Variants in ADGRL3 observed in about 807,000 individuals in gnomAD.
ADGRL3 encodes adhesion G protein-coupled receptor L3, also known as calcium-independent alpha-latrotoxin receptor 3.
A neutral mutation model predicts 153.5 loss-of-function variants in ADGRL3; 62 were observed. The ratio of observed to expected loss-of-function variants is 0.40; its 90% confidence interval spans 0.33 to 0.50. ADGRL3 has a LOEUF of 0.50. ADGRL3 is among the 20% of genes least tolerant of loss of function. ADGRL3 has a pLI of 0.47. For synonymous variants in ADGRL3, 710 were observed against 672.5 expected (o/e 1.06, Z -0.86); for missense variants, 1,641 against 1,859.4 (o/e 0.88, Z 2.16).
chr4:62,031,364 G>T, intron 22 of ADGRL3, 78 bp from the exon 23 acceptor site: 1 of 1,191,138 alleles, frequency 8.4e-7, no homozygotes, highest in Non-Finnish European at 1.2e-6. Context: ...TTTTTTCAGT[G>T]TCGTATTGTT....
At chr4:61,588,699 A>T (rs940813373) in intron 5 of ADGRL3, among the ~76,000 whole-genome samples, 1 of 151,982 alleles carries the variant, frequency 6.6e-6, no homozygotes, top group African/African-American at 2.4e-5. Flanking sequence ...TGTCTCTATT[A>T]TCGTTACGTA....
intron 2 of ADGRL3, among the ~76,000 whole-genome samples, chr4:61,407,286 T>A (rs2097014319): frequency 6.7e-6 from 1 of 150,042 alleles, no homozygotes; most frequent in Non-Finnish European, 1.5e-5. Context: ...GTTTAAAAAA[T>A]AACTTGCTTT....
intron 4 of ADGRL3, among the ~76,000 whole-genome samples, chr4:61,519,977 T>A (rs947166515): frequency 1.3e-5 from 2 of 152,160 alleles, no homozygotes; most frequent in Admixed American, 6.5e-5. Flanking sequence ...CAAGTAGGAA[T>A]CCAATGAAAG....
intron 9 of ADGRL3, among the ~76,000 whole-genome samples, chr4:61,871,876 C>G (rs2098447657): frequency 6.6e-6 from 1 of 152,172 alleles, no homozygotes; most frequent in African/African-American, 2.4e-5. Flanking sequence ...CCCTGTTTAT[C>G]TGTGTGGCTC....
intron 8 of ADGRL3, among the ~76,000 whole-genome samples, chr4:61,744,525 G>A (rs1033968045): frequency 1.3e-5 from 2 of 152,146 alleles, no homozygotes; most frequent in African/African-American, 4.8e-5. Context: ...AAATTCCAGA[G>A]GAGCTATCAG....
intron 6 of ADGRL3, among the ~76,000 whole-genome samples, chr4:61,706,868 A>G (rs2095866368): frequency 6.6e-6 from 1 of 152,176 alleles, no homozygotes; most frequent in Non-Finnish European, 1.5e-5. Flanking sequence ...TGCATTTACA[A>G]CTTGGCTAAC....
chr4:61,456,940 T>G (rs1328397941), intron 2 of ADGRL3, among the ~76,000 whole-genome samples: 1 of 152,096 alleles, frequency 6.6e-6, no homozygotes, highest in East Asian at 1.9e-4. Flanking sequence ...AAATATCTTT[T>G]TATACATGTT....
intron 21 of ADGRL3, among the ~76,000 whole-genome samples, chr4:62,014,200 G>A (rs1239697633): frequency 6.6e-6 from 1 of 152,078 alleles, no homozygotes; most frequent in Non-Finnish European, 1.5e-5. Context: ...GGGAAATCAT[G>A]ATCTGGTGAT....
chr4:61,992,646 G>A (rs1047636319), intron 19 of ADGRL3, among the ~76,000 whole-genome samples: 10 of 152,092 alleles, frequency 6.6e-5, no homozygotes, highest in South Asian at 2.1e-4. Context: ...TACATTTTAC[G>A]TATTTTATAT....
chr4:61,312,009 T>C (rs2095034293), intron 1 of ADGRL3, among the ~76,000 whole-genome samples: 1 of 152,098 alleles, frequency 6.6e-6, no homozygotes, highest in African/African-American at 2.4e-5. Context: ...ATGAGAGATC[T>C]CTGTACCTTC....
At chr4:61,818,607 A>G (rs952144498) in intron 9 of ADGRL3, among the ~76,000 whole-genome samples, 1 of 152,210 alleles carries the variant, frequency 6.6e-6, no homozygotes, top group African/African-American at 2.4e-5. Flanking sequence ...ATTAGGGATT[A>G]CAATTTGACA....
chr4:61,248,668 C>T (rs1225684550), intron 1 of ADGRL3, among the ~76,000 whole-genome samples: 1 of 151,964 alleles, frequency 6.6e-6, no homozygotes. Context: ...CTTGAGACAC[C>T]AAGTTTTCTT....
intron 1 of ADGRL3, among the ~76,000 whole-genome samples, chr4:61,262,767 C>T (rs2092616418): frequency 6.6e-6 from 1 of 152,136 alleles, no homozygotes; most frequent in Non-Finnish European, 1.5e-5. Context: ...TACCAACTTA[C>T]CACGGAATCA....
At chr4:61,777,074 G>C (rs981226043) in intron 8 of ADGRL3, among the ~76,000 whole-genome samples, 1 of 152,118 alleles carries the variant, frequency 6.6e-6, no homozygotes. Flanking sequence ...GCTGGCTCAC[G>C]CCTGTAACCC....
chr4:61,547,984 T>G (rs557509461), intron 4 of ADGRL3, among the ~76,000 whole-genome samples: 3 of 152,216 alleles, frequency 2.0e-5, no homozygotes, highest in African/African-American at 7.2e-5. Context: ...TTTGCATTTC[T>G]CTGATGATTA....
At chr4:61,492,096 T>G (rs895799528) in intron 2 of ADGRL3, among the ~76,000 whole-genome samples, 2 of 152,168 alleles carry the variant, frequency 1.3e-5, no homozygotes, top group African/African-American at 4.8e-5. Context: ...AATTAGGCTA[T>G]AGGTCTATAT....
chr4:61,821,975 T>A (rs558187269), intron 9 of ADGRL3, among the ~76,000 whole-genome samples: 1 of 152,282 alleles, frequency 6.6e-6, no homozygotes, highest in African/African-American at 2.4e-5. Context: ...ACAGTCGAAA[T>A]TAACTAAAAT....
At chr4:61,529,410 G>A (rs2098598251) in intron 4 of ADGRL3, among the ~76,000 whole-genome samples, 1 of 152,134 alleles carries the variant, frequency 6.6e-6, no homozygotes. Context: ...GTTCTAGTTT[G>A]CTTAGAGAGA....
At chr4:61,221,364 G>A (rs1019493263) in intron 1 of ADGRL3, among the ~76,000 whole-genome samples, 4 of 152,248 alleles carry the variant, frequency 2.6e-5, no homozygotes, top group South Asian at 2.1e-4. Flanking sequence ...TTTGGCCTGT[G>A]AGAACTTGCC....
Sources: allele counts gnomAD v4.1 joint callset (sites outside exome capture counted in the v4.1 genomes callset), GRCh38; gene constraint gnomAD v4.1.1; transcripts MANE v1.5; gene names NCBI Gene and HGNC (gene_info 2026-07-23, HGNC 2026-07-21).